Variants in APH1B observed in about 807,000 individuals in gnomAD.
APH1B encodes the protein aph-1B gamma-secretase subunit, also known as gamma-secretase subunit APH-1B.
In APH1B, 27 loss-of-function variants were observed where a neutral mutation model predicts 28.2. The ratio of observed to expected loss-of-function variants is 0.96; its 90% CI spans 0.70 to 1.32. APH1B has a LOEUF of 1.32. Ranked by LOEUF, APH1B falls within the 40% of genes most tolerant of loss-of-function variation. The probability of loss-of-function intolerance (pLI) is 0.00; values close to 1 mark genes in which losing one functional copy is unlikely to be tolerated. For synonymous variants in APH1B, 141 were observed against 124.6 expected (o/e 1.13, Z -0.88); for missense variants, 305 against 313.6 (o/e 0.97, Z 0.21).
At chr15:63,300,935 A>G (rs889805861) in intron 4 of APH1B, among the ~76,000 whole-genome samples, 1 of 152,234 alleles carries the variant, frequency 6.6e-6, no homozygotes, top group Non-Finnish European at 1.5e-5. Context: ...CATTCTGGTA[A>G]TGATGGACAT....
chr15:63,302,910 G>T (rs776860207), intron 5 of APH1B, among the ~76,000 whole-genome samples: 1 of 152,066 alleles, frequency 6.6e-6, no homozygotes, highest in Non-Finnish European at 1.5e-5. Flanking sequence ...GATAATCAAG[G>T]ATGGGGCCTT....
intron 1 of APH1B, 42 bp downstream of exon 1, chr15:63,277,778 C>G: frequency 6.3e-7 from 1 of 1,580,562 alleles, no homozygotes; most frequent in Non-Finnish European, 8.6e-7. Context: ...CGGGGCTCCC[C>G]TCCCCCGCTG....
At chr15:63,301,712 G>A (rs1393424125) in intron 4 of APH1B, among the ~76,000 whole-genome samples, 1 of 151,292 alleles carries the variant, frequency 6.6e-6, no homozygotes, top group African/African-American at 2.5e-5. Flanking sequence ...CTCCCGAATA[G>A]TTGGGATTAC....
rs2038705032 is a variant in APH1B at position 63,308,029 on chromosome 15, C to T, written c.*2248C>T. 1.3e-5 allele frequency: 2 copies of T among 151,976 alleles called. No individual in the cohort carries two copies. The highest frequency in any genetic ancestry group is 6.5e-5 in the Admixed American group (1 of 15,268). The allele number at this position is 151,976 out of a possible 1,614,324, so 9.4% of individuals were successfully genotyped here. ...GCAAATAGCCATGCTTTGCCTTATGCCAAGGAGGCCCAGAGGGAGGGCCTA... is the reference window on the plus strand; with the variant it reads ...GCAAATAGCCATGCTTTGCCTTATGTCAAGGAGGCCCAGAGGGAGGGCCTA... On this transcript the variant is annotated 3_prime_UTR_variant, in exon 6 of 6. Transcript: ENST00000261879.
intron 4 of APH1B, among the ~76,000 whole-genome samples, chr15:63,296,631 G>A (rs1269873855): frequency 6.6e-6 from 1 of 151,854 alleles, no homozygotes; most frequent in Non-Finnish European, 1.5e-5. Flanking sequence ...CAGGAAGGGT[G>A]AAGGAGCCAA....
intron 1 of APH1B, 23 bp downstream of exon 1, chr15:63,277,759 C>T: frequency 1.2e-6 from 2 of 1,602,008 alleles, no homozygotes; most frequent in Non-Finnish European, 1.7e-6. Flanking sequence ...CGTCGGGAAA[C>T]CCGGACGCCG....
At chr15:63,297,315 C>G (rs185450654) in intron 4 of APH1B, among the ~76,000 whole-genome samples, 295 of 152,112 alleles carry the variant, frequency 1.9e-3, no homozygotes, top group Non-Finnish European at 2.9e-3. Flanking sequence ...GCCTGAACTC[C>G]CAGGAGTTTG....
intron 4 of APH1B, among the ~76,000 whole-genome samples, chr15:63,292,299 T>A (rs2038513731): frequency 6.6e-6 from 1 of 152,258 alleles, no homozygotes; most frequent in Admixed American, 6.5e-5. Flanking sequence ...TAATAAGTTG[T>A]CACAACTAAC....
At chr15:63,302,306 TA>T in intron 4 of APH1B, 38 bp from the exon 5 acceptor site, 1 of 1,607,270 alleles carries the variant, frequency 6.2e-7, no homozygotes, top group Non-Finnish European at 8.5e-7. Flanking sequence ...GTGGTTCTGA[TA>T]CCTGTAGGAG....
chr15:63,302,964 G>A (rs1366813508), intron 5 of APH1B, among the ~76,000 whole-genome samples: 1 of 152,094 alleles, frequency 6.6e-6, no homozygotes, highest in East Asian at 1.9e-4. Flanking sequence ...ATAGTAGGTG[G>A]CCAGTAAATG....
At chr15:63,291,467 A>G (rs1295125646) in intron 4 of APH1B, among the ~76,000 whole-genome samples, 1 of 152,234 alleles carries the variant, frequency 6.6e-6, no homozygotes, top group Non-Finnish European at 1.5e-5. Flanking sequence ...GGGAAAACCA[A>G]TATGGGTCAG....
At chr15:63,280,369 G>C (rs886472451) in intron 2 of APH1B, among the ~76,000 whole-genome samples, 2 of 152,144 alleles carry the variant, frequency 1.3e-5, no homozygotes, top group African/African-American at 4.8e-5. Flanking sequence ...TGATTATGTA[G>C]TAAGTCTTAA....
chr15:63,286,770 C>A, intron 3 of APH1B, 142 bp downstream of exon 3: 1 of 726,066 alleles, frequency 1.4e-6, no homozygotes, highest in Non-Finnish European at 2.1e-6. Context: ...GCTTATTATC[C>A]CCGTCTTCCA....
At chr15:63,287,050 C>T (rs751500841) in intron 3 of APH1B, 1 of 233,472 alleles carries the variant, frequency 4.3e-6, no homozygotes, top group African/African-American at 2.3e-5. Context: ...CAGGAATACA[C>T]AGTTCCCCTT....
At position 63,302,395 on chromosome 15, in the gene APH1B, T is replaced by A; in HGVS notation, c.529T>A (p.Phe177Ile). Residue 177 changes from phenylalanine to isoleucine, a missense_variant, in exon 5 of 6, where the codon TTT (phenylalanine) becomes ATT (isoleucine). Physicochemically the swap from Phe to Ile is conservative, Grantham distance 21. Coordinates refer to ENST00000261879, the MANE Select transcript of APH1B (RefSeq NM_031301.4). ...ILLHVFWGIV[F>I]FDGCEKKKWG... ...GCTGCATGTATTCTGGGGCATTGTATTTTTTGATGGCTGTGAGAAGAAAAA... is the reference window on the plus strand; with the variant it reads ...GCTGCATGTATTCTGGGGCATTGTAATTTTTGATGGCTGTGAGAAGAAAAA... The A allele has an allele frequency of 6.2e-7, 1 of 1,614,044 alleles. No homozygotes were observed. The highest frequency in any genetic ancestry group is 8.5e-7 in the Non-Finnish European group (1 of 1,179,968).
At chr15:63,283,119 T>A (rs1274014048) in intron 2 of APH1B, among the ~76,000 whole-genome samples, 2 of 152,224 alleles carry the variant, frequency 1.3e-5, no homozygotes, top group Non-Finnish European at 2.9e-5. Flanking sequence ...CTGTTAGTTT[T>A]CCTCCCACGT....
intron 4 of APH1B, among the ~76,000 whole-genome samples, chr15:63,297,333 C>T (rs2038578479): frequency 1.3e-5 from 2 of 152,070 alleles, no homozygotes; most frequent in Admixed American, 1.3e-4. Context: ...TTGAGACCAG[C>T]CTGGGCAACA....
intron 2 of APH1B, among the ~76,000 whole-genome samples, chr15:63,281,737 C>G (rs1241030509): frequency 6.6e-6 from 1 of 151,744 alleles, no homozygotes. Flanking sequence ...TGTAGCTGAA[C>G]ATAGATCCAC....
At chr15:63,296,869 A>C (rs1247097570) in intron 4 of APH1B, among the ~76,000 whole-genome samples, 2 of 152,022 alleles carry the variant, frequency 1.3e-5, no homozygotes, top group African/African-American at 2.4e-5. Flanking sequence ...CATGTAGGCC[A>C]GGATGGTCTT....
Sources: allele counts gnomAD v4.1 joint callset (sites outside exome capture counted in the v4.1 genomes callset), GRCh38; gene constraint gnomAD v4.1.1; transcripts MANE v1.5; gene names NCBI Gene and HGNC (gene_info 2026-07-23, HGNC 2026-07-21).